ADRA1B: variants seen among roughly 807,000 people sequenced by gnomAD.
ADRA1B encodes alpha-1B adrenergic receptor.
A neutral mutation model predicts 17.9 loss-of-function variants in ADRA1B; 17 were observed. That is an observed-to-expected ratio of 0.95 (90% CI 0.65 to 1.42). The LOEUF (loss-of-function observed/expected upper bound fraction) is 1.42, where lower values mean the gene tolerates loss of function less well. Ranked by LOEUF, ADRA1B falls within the 40% of genes most tolerant of loss-of-function variation. ADRA1B has a pLI of 0.00. For synonymous variants in ADRA1B, 366 were observed against 327.6 expected (o/e 1.12, Z -1.27); for missense variants, 681 against 722.1 (o/e 0.94, Z 0.65).
At chr5:159,959,659 T>C (rs1755628185) in intron 1 of ADRA1B, among the ~76,000 whole-genome samples, 1 of 152,216 alleles carries the variant, frequency 6.6e-6, no homozygotes, top group Admixed American at 6.5e-5. Context: ...TAACCAGTAT[T>C]GTCAAGTTAA....
At chr5:159,889,889 A>G (rs150658656) in intron 1 of ADRA1B, among the ~76,000 whole-genome samples, 8 of 152,210 alleles carry the variant, frequency 5.3e-5, no homozygotes, top group African/African-American at 1.9e-4. Flanking sequence ...ATAACCAGAG[A>G]TCTTCCTTCT....
intron 1 of ADRA1B, chr5:159,866,783 G>T (rs1263636769): frequency 6.6e-6 from 1 of 151,966 alleles, no homozygotes; most frequent in East Asian, 1.9e-4. Context: ...GGTCTCCAAA[G>T]TCTAAGTTCA....
At position 159,907,357 on chromosome 5, in the gene ADRA1B, T is replaced by C. The variant is rs780166414; in HGVS notation, c.-255-8762T>C. Among the ~76,000 whole-genome samples the C allele has an allele frequency of 2.0e-5, 3 of 152,240 alleles. No individual in the cohort carries two copies. In the East Asian group the frequency reaches 5.8e-4, roughly 29 times the overall value. ...GCCAGATATATTATTTCTGCCTACC[T>C]GATAAGATTCTTGTATTAGAATGAG... On this transcript the variant is annotated intron_variant, in intron 1 of 2. Coordinates refer to the ADRA1B transcript ENST00000641205.
intron 1 of ADRA1B, among the ~76,000 whole-genome samples, chr5:159,942,337 T>G (rs1755158190): frequency 6.6e-6 from 1 of 152,166 alleles, no homozygotes; most frequent in Non-Finnish European, 1.5e-5. Flanking sequence ...AAGGGTAAAT[T>G]TATGGTATGG....
intron 1 of ADRA1B, among the ~76,000 whole-genome samples, chr5:159,896,779 C>A (rs755982103): frequency 8.5e-5 from 13 of 152,090 alleles, no homozygotes; most frequent in Non-Finnish European, 1.8e-4. Flanking sequence ...GAGAGTACTG[C>A]CCAGCACAGG....
At chr5:159,891,187 C>T (rs1487551542) in intron 1 of ADRA1B, among the ~76,000 whole-genome samples, 1 of 152,194 alleles carries the variant, frequency 6.6e-6, no homozygotes, top group Non-Finnish European at 1.5e-5. Context: ...CAAACGTTAA[C>T]CCAACGATAC....
chr5:159,942,976 C>T (rs1480054267), intron 1 of ADRA1B, among the ~76,000 whole-genome samples: 2 of 152,032 alleles, frequency 1.3e-5, no homozygotes, highest in African/African-American at 4.8e-5. Flanking sequence ...CTTTGGGAGG[C>T]CAAGGTGGGA....
intron 1 of ADRA1B, among the ~76,000 whole-genome samples, chr5:159,892,350 G>A (rs1035285847): frequency 6.6e-6 from 1 of 152,238 alleles, no homozygotes; most frequent in African/African-American, 2.4e-5. Flanking sequence ...TAAGGTTCCG[G>A]GGTACATGTG....
chr5:159,955,312 C>A, intron 1 of ADRA1B: 2 of 451,852 alleles, frequency 4.4e-6, no homozygotes, highest in Non-Finnish European at 5.8e-6. Context: ...TGACACAGAG[C>A]CATCCAGGGG....
chr5:159,949,768 G>A (rs1253398531), intron 1 of ADRA1B, among the ~76,000 whole-genome samples: 4 of 152,322 alleles, frequency 2.6e-5, no homozygotes, highest in Non-Finnish European at 2.9e-5. Context: ...CAGATGGACC[G>A]GCCGGCACCA....
chr5:159,884,738 C>T (rs1031115231), intron 1 of ADRA1B, among the ~76,000 whole-genome samples: 1 of 152,160 alleles, frequency 6.6e-6, no homozygotes, highest in Non-Finnish European at 1.5e-5. Context: ...AACCATAAAA[C>T]ACAGAGGAGT....
intron 1 of ADRA1B, among the ~76,000 whole-genome samples, chr5:159,952,191 CA>C (rs1755456342): frequency 6.6e-6 from 1 of 152,086 alleles, no homozygotes; most frequent in Non-Finnish European, 1.5e-5. Context: ...TCAAGAACCC[CA>C]GTGGATGCCT....
chr5:159,911,785 T>A (rs564076557), upstream of ADRA1B, among the ~76,000 whole-genome samples: 1 of 152,262 alleles, frequency 6.6e-6, no homozygotes, highest in African/African-American at 2.4e-5. Context: ...CATCTCATCC[T>A]CCCACCAGGG....
intron 1 of ADRA1B, among the ~76,000 whole-genome samples, chr5:159,873,401 G>T (rs1448998295): frequency 2.6e-5 from 4 of 152,208 alleles, no homozygotes; most frequent in African/African-American, 9.6e-5. Flanking sequence ...CCAGCTGTCA[G>T]CATGAGCTTG....
chr5:159,950,846 C>A, intron 1 of ADRA1B: 2 of 599,482 alleles, frequency 3.3e-6, no homozygotes, highest in East Asian at 3.6e-5. Context: ...GAGATGACCC[C>A]TACCCACAGC....
chr5:159,917,316 C>T lies in ADRA1B; in HGVS notation c.411C>T (p.Cys137=), dbSNP rs147604848. Residue 137 remains cysteine, a synonymous_variant, in exon 1 of 2, where the codon TGC becomes TGT. Coordinates refer to ENST00000306675, the MANE Select transcript of ADRA1B (RefSeq NM_000679.4). ...GCACAGCGTCCATTCTGAGCCTGTGCGCCATCTCCATCGATCGCTACATCG... is the reference window on the plus strand; with the variant it reads ...GCACAGCGTCCATTCTGAGCCTGTGTGCCATCTCCATCGATCGCTACATCG... ...LCCTASILSL[C]AISIDRYIGV... The T allele has an allele frequency of 3.8e-5, 62 of 1,614,048 alleles. 1 individual carries two copies. In the African/African-American group the frequency reaches 5.3e-4, roughly 14 times the overall value.
Position 159,879,766 on chromosome 5 carries a change from C to A in ADRA1B, c.-256+14560C>A, listed in dbSNP as rs529355119. On this transcript the variant is annotated intron_variant, in intron 1 of 2. Coordinates refer to the ADRA1B transcript ENST00000641205. ...ATCCCAGCACTTTGGGAGGCCGAGG[C>A]GGGCGGATCACTTGAGCTCAGAAGG... 1.2e-3 allele frequency among the ~76,000 whole-genome samples: 185 copies of A among 152,198 alleles called. 2 individuals carry two copies. Among genetic ancestry groups the A allele is most frequent in the Non-Finnish European group, 1.2e-3 (85 of 68,008 alleles).
chr5:159,957,879 A>C (rs773378043), intron 1 of ADRA1B, among the ~76,000 whole-genome samples: 73 of 149,560 alleles, frequency 4.9e-4, no homozygotes, highest in Non-Finnish European at 8.6e-4. Context: ...CAGTGAGCCA[A>C]GATCACACCA....
At chr5:159,915,262 T>C (rs1453883376), upstream of ADRA1B, among the ~76,000 whole-genome samples, 1 of 152,160 alleles carries the variant, frequency 6.6e-6, no homozygotes, top group Non-Finnish European at 1.5e-5. Flanking sequence ...CTCCATGCCT[T>C]TGTGAACTTG....
Sources: allele counts gnomAD v4.1 joint callset (sites outside exome capture counted in the v4.1 genomes callset), GRCh38; gene constraint gnomAD v4.1.1; transcripts MANE v1.5; gene names NCBI Gene and HGNC (gene_info 2026-07-23, HGNC 2026-07-21).